Variants in APOBEC1 observed in about 807,000 individuals in gnomAD.
APOBEC1 encodes the protein C->U-editing enzyme APOBEC-1.
A neutral mutation model predicts 26.3 loss-of-function variants in APOBEC1; 22 were observed. That is an observed-to-expected ratio of 0.84 (90% CI 0.60 to 1.19). APOBEC1 has a LOEUF of 1.19. Among genes scored for constraint, APOBEC1 ranks in the 50% most tolerant of loss-of-function variants. The probability of loss-of-function intolerance (pLI) is 0.00; values close to 1 mark genes in which losing one functional copy is unlikely to be tolerated. For synonymous variants in APOBEC1, 77 were observed against 95.3 expected (o/e 0.81, Z 1.12); for missense variants, 253 against 289.0 (o/e 0.88, Z 0.90).
intron 1 of APOBEC1, among the ~76,000 whole-genome samples, chr12:7,656,288 A>G (rs1863714491): frequency 6.6e-6 from 1 of 152,086 alleles, no homozygotes; most frequent in African/African-American, 2.4e-5. Context: ...CTACAAACTA[A>G]TCAGTGTCAC....
chr12:7,658,257 T>A (rs112700769), intron 1 of APOBEC1, among the ~76,000 whole-genome samples: 1 of 152,042 alleles, frequency 6.6e-6, no homozygotes, highest in Non-Finnish European at 1.5e-5. Flanking sequence ...AGAGACGGGG[T>A]TTCACCATCT....
rs766075126 is a variant in APOBEC1 at position 7,656,313 on chromosome 12, T to C, written c.17-1681A>G. Among the ~76,000 whole-genome samples, 17 of 152,200 alleles carry C rather than the reference T, an allele frequency of 1.1e-4. No individual in the cohort carries two copies. In the South Asian group the frequency reaches 2.5e-3, roughly 22 times the overall value. ...ATCAGTGTCACTCCGTGGAAGAAAG[T>C]CTGGGCTGGAAAGGACAGAGGTTCA... is the stretch of plus-strand genomic sequence containing the variant. On this transcript the variant is annotated intron_variant, in intron 1 of 4. Transcript: ENST00000229304.
chr12:7,649,801 TTTC>T (rs1360070623), intron 4 of APOBEC1, 105 bp from the exon 5 acceptor site: 14 of 976,408 alleles, frequency 1.4e-5, no homozygotes, highest in Admixed American at 1.1e-4. Context: ...GATTTAACTA[TTTC>T]TTCTTTTTTT....
chr12:7,658,362 C>G (rs1307452953), intron 1 of APOBEC1, among the ~76,000 whole-genome samples: 1 of 152,104 alleles, frequency 6.6e-6, no homozygotes, highest in African/African-American at 2.4e-5. Context: ...CCGTGCCCGG[C>G]CAAAATTGGG....
chr12:7,659,023 G>C (rs1487063113), intron 1 of APOBEC1, among the ~76,000 whole-genome samples: 2 of 146,028 alleles, frequency 1.4e-5, no homozygotes, highest in Non-Finnish European at 3.0e-5. Context: ...GGCCGGGCGC[G>C]GTGGCTCATG....
intron 1 of APOBEC1, among the ~76,000 whole-genome samples, chr12:7,657,745 G>A (rs1167533600): frequency 6.6e-6 from 1 of 151,946 alleles, no homozygotes; most frequent in Non-Finnish European, 1.5e-5. Flanking sequence ...CTGTAGTGGT[G>A]CATGCCTGTA....
At position 7,649,608 on chromosome 12, in the gene APOBEC1, G is replaced by A. The variant is rs771016347; in HGVS notation, c.650C>T (p.Thr217Met). 1.5e-5 allele frequency: 24 copies of A among 1,613,968 alleles called. No individual in the cohort carries two copies. In the South Asian group the frequency reaches 1.9e-4, roughly 13 times the overall value. Reference sequence around the variant, plus strand: ...AGCTAAAAGGATGTGTGGCGGAATCGTTTGGTAATGGCAGTTTTGAAGATG... The same window carrying A: ...AGCTAAAAGGATGTGTGGCGGAATCATTTGGTAATGGCAGTTTTGAAGATG... ...RLHLQNCHYQ[T>M]IPPHILLATG... is the part of the protein sequence containing the mutation. Residue 217 changes from threonine (T) to methionine (M), a missense_variant, in exon 5 of 5, where the codon ACG becomes ATG. Physicochemically the swap from Thr to Met is moderately conservative, Grantham distance 81. Coordinates refer to ENST00000229304, the MANE Select transcript of APOBEC1 (RefSeq NM_001644.5).
chr12:7,661,400 C>T (rs1863817878), intron 1 of APOBEC1, among the ~76,000 whole-genome samples: 1 of 151,128 alleles, frequency 6.6e-6, no homozygotes, highest in Admixed American at 6.6e-5. Flanking sequence ...ACGTGTACCC[C>T]ATGAATCTGA....
upstream of APOBEC1, among the ~76,000 whole-genome samples, chr12:7,668,821 C>T (rs917522870): frequency 6.6e-6 from 1 of 152,108 alleles, no homozygotes; most frequent in South Asian, 2.1e-4. Flanking sequence ...CTCAGCCCCC[C>T]GGGTTCAAGC....
intron 4 of APOBEC1, 116 bp downstream of exon 4, chr12:7,650,907 A>T: frequency 1.3e-6 from 1 of 761,140 alleles, no homozygotes. Context: ...CTAGTTAAAT[A>T]ACTAAATCTC....
intron 1 of APOBEC1, among the ~76,000 whole-genome samples, chr12:7,658,264 A>G (rs1037688365): frequency 4.6e-5 from 7 of 152,162 alleles, no homozygotes; most frequent in Non-Finnish European, 8.8e-5. Context: ...GGGTTTCACC[A>G]TCTTGGCCAG....
chr12:7,652,541 C>T lies in APOBEC1; in HGVS notation c.339G>A (p.Val113=), dbSNP rs970506744. The T allele has an allele frequency of 3.7e-6, 6 of 1,614,224 alleles. No individual in the cohort carries two copies. The highest frequency in any genetic ancestry group is 4.2e-6 in the Non-Finnish European group (5 of 1,180,034). The change falls in exon 3 of 5, where the codon GTG becomes GTA. Residue 113 remains valine (V), a synonymous_variant. Coordinates refer to ENST00000229304, the MANE Select transcript of APOBEC1 (RefSeq NM_001644.5). ...FLSRHPGVTL[V]IYVARLFWHM... is the part of the protein sequence containing the mutation. ...GCCAAAAAAGCCGAGCTACGTAGAT[C>T]ACTAGAGTCACACCAGGGTGCCGAC...
intron 1 of APOBEC1, among the ~76,000 whole-genome samples, chr12:7,658,983 A>C (rs924097427): frequency 9.6e-5 from 14 of 145,932 alleles, no homozygotes; most frequent in Non-Finnish European, 3.0e-5. Context: ...CACTTCCACC[A>C]AAAAAAGAAA....
chr12:7,651,809 T>TTTTTATTTTA (rs1206940419), intron 3 of APOBEC1, among the ~76,000 whole-genome samples: 1 of 147,368 alleles, frequency 6.8e-6, no homozygotes. Flanking sequence ...TTTATTTTAT[T>TTTTTATTTTA]TTTTATTTTA....
At chr12:7,657,680 C>T (rs1385378585) in intron 1 of APOBEC1, among the ~76,000 whole-genome samples, 1 of 151,980 alleles carries the variant, frequency 6.6e-6, no homozygotes, top group Non-Finnish European at 1.5e-5. Flanking sequence ...CAAGGCCAGC[C>T]TGGGTAAAAT....
Position 7,650,497 on chromosome 12 carries a change from C to T in APOBEC1, c.561+526G>A, listed in dbSNP as rs113584767. On this transcript the variant is annotated intron_variant, in intron 4 of 4. Transcript: ENST00000229304. ...TATGGGGACCACCCATATCTTAGAT[C>T]GGTTTACCCAAATTCCCTTCTCCAC... Among the ~76,000 whole-genome samples, 613 of 152,272 alleles carry T rather than the reference C, an allele frequency of 4.0e-3. 3 individuals carry two copies. The highest frequency in any genetic ancestry group is 0.014 in the African/African-American group (590 of 41,562).
intron 4 of APOBEC1, 103 bp from the exon 5 acceptor site, chr12:7,649,799 T>A: frequency 4.2e-6 from 4 of 960,874 alleles, no homozygotes; most frequent in South Asian, 1.8e-5. Context: ...ACGATTTAAC[T>A]ATTTCTTCTT....
In APOBEC1 at chr12:7,649,703, T is replaced by G; in HGVS notation, c.562-7A>C. On this transcript the variant is annotated splice_polypyrimidine_tract_variant and splice_region_variant and intron_variant, in intron 4 of 4. Coordinates refer to ENST00000229304, the MANE Select transcript of APOBEC1 (RefSeq NM_001644.5). ...TTAAACAGGGTGGAAGACTCTGGAA[T>G]AAAAAAGGATTATATTTAATCCTTA... is the stretch of plus-strand genomic sequence containing the variant. 1 of 1,589,160 alleles carries G rather than the reference T, an allele frequency of 6.3e-7. No individual in the cohort carries two copies. Among genetic ancestry groups the G allele is most frequent in the Non-Finnish European group, 8.6e-7 (1 of 1,158,542 alleles).
rs1318284810 is a variant in APOBEC1 at position 7,665,890 on chromosome 12, C to T, written c.-18G>A. 16 of 1,613,444 alleles carry T rather than the reference C, an allele frequency of 9.9e-6. No homozygotes were observed. Among genetic ancestry groups the T allele is most frequent in the Admixed American group, 5.0e-5 (3 of 59,902 alleles). The stretch of plus-strand genomic sequence containing the variant: ...GAAGTCATGGTGCTCTGTCTCTGGA[C>T]TTCCTCCTCTGGAGTCATAAGTTGT... On this transcript the variant is annotated 5_prime_UTR_variant, in exon 1 of 5. Transcript: ENST00000229304.
Sources: allele counts gnomAD v4.1 joint callset (sites outside exome capture counted in the v4.1 genomes callset), GRCh38; gene constraint gnomAD v4.1.1; transcripts MANE v1.5; gene names NCBI Gene and HGNC (gene_info 2026-07-23, HGNC 2026-07-21).